The following ADH1C variants were observed in gnomAD, a reference collection of about 807,000 sequenced individuals.
ADH1C encodes the protein alcohol dehydrogenase 1C (class I), gamma polypeptide.
ADH1C carries 26 observed loss-of-function variants against 35.0 expected under a neutral mutation model. That is an observed-to-expected ratio of 0.74 (90% CI 0.54 to 1.03). The LOEUF is 1.03. ADH1C is among the 50% of genes least tolerant of loss of function. ADH1C has a pLI of 0.00. For synonymous variants in ADH1C, 170 were observed against 169.3 expected, an observed-to-expected ratio of 1.00 and a Z score of -0.03; for missense variants, 413 against 465.4, an observed-to-expected ratio of 0.89 and a Z score of 1.04.
chr4:99,339,063 CAAAGA>C (rs569770466), intron 8 of ADH1C, among the ~76,000 whole-genome samples: 64 of 151,360 alleles, frequency 4.2e-4, no homozygotes, highest in African/African-American at 1.3e-3. Flanking sequence ...TTCTAAACTG[CAAAGA>C]AAAGAAAAGA....
At chr4:99,346,282 A>T (rs900761207) in intron 3 of ADH1C, among the ~76,000 whole-genome samples, 1 of 152,094 alleles carries the variant, frequency 6.6e-6, no homozygotes, top group Non-Finnish European at 1.5e-5. Flanking sequence ...ATTCATCCTT[A>T]ATTAATATAG....
chr4:99,342,862 A>G lies in ADH1C; in HGVS notation c.761T>C (p.Val254Ala). 1 of 1,613,986 alleles carries G rather than the reference A, an allele frequency of 6.2e-7. No homozygotes were observed. Among genetic ancestry groups the G allele is most frequent in the Non-Finnish European group, 8.5e-7 (1 of 1,179,902 alleles). ...ACCTCCATCAGTCATTTCCTTTAGC[A>G]CTTCCTGAATGGGTTTCTTGTAGTC... is the stretch of plus-strand genomic sequence containing the variant. ...PQDYKKPIQE[V>A]LKEMTDGGVD... is the part of the protein sequence containing the mutation. The change falls in exon 6 of 9, where the codon GTG (valine) becomes GCG (alanine). Residue 254 changes from valine to alanine, a missense_variant. Physicochemically the swap from Val to Ala is moderately conservative, Grantham distance 64. Coordinates refer to ENST00000515683, the MANE Select transcript of ADH1C (RefSeq NM_000669.5).
chr4:99,347,206 C>G, intron 2 of ADH1C, 62 bp from the exon 3 acceptor site: 2 of 1,549,332 alleles, frequency 1.3e-6, no homozygotes, highest in South Asian at 1.2e-5. Context: ...ATGGACTTAA[C>G]AAACCCAATT....
At chr4:99,342,101 G>A (rs1288661521) in intron 6 of ADH1C, among the ~76,000 whole-genome samples, 1 of 152,140 alleles carries the variant, frequency 6.6e-6, no homozygotes, top group Non-Finnish European at 1.5e-5. Flanking sequence ...GATGAGTTGT[G>A]TTGCACAAAG....
intron 6 of ADH1C, among the ~76,000 whole-genome samples, chr4:99,342,010 C>CAAAAA (rs33982136): frequency 7.2e-6 from 1 of 138,628 alleles, no homozygotes; most frequent in African/African-American, 2.8e-5. Context: ...GACCCTGTCT[C>CAAAAA]AAAAAAAAAA....
chr4:99,339,586 G>A lies in ADH1C; in HGVS notation c.1094C>T (p.Ser365Phe), dbSNP rs370732634. The A allele has an allele frequency of 3.8e-6, 6 of 1,583,508 alleles. No individual in the cohort carries two copies. The African/African-American group carries it at 6.9e-5, about 18-fold the overall frequency. ...ACAACTTAAAATCTACCTCTTTCCA[G>A]AGCGAAGCAGGTCAAATCCTTCATT... is the stretch of plus-strand genomic sequence containing the variant. ...KINEGFDLLR[S>F]GKSIRTVLTF is the part of the protein sequence containing the mutation. Residue 365 changes from serine (S) to phenylalanine (F), a missense_variant, in exon 8 of 9, where the codon TCT becomes TTT. Ser to Phe is a radical substitution (Grantham distance 155). Transcript: ENST00000515683.
At chr4:99,347,698 GAA>G in intron 2 of ADH1C, 45 bp downstream of exon 2, 1 of 1,512,952 alleles carries the variant, frequency 6.6e-7, no homozygotes, top group Non-Finnish European at 8.9e-7. Flanking sequence ...AATATTTTCT[GAA>G]TTCTTTAAAC....
At chr4:99,348,442 C>T (rs1734595648) in intron 1 of ADH1C, among the ~76,000 whole-genome samples, 1 of 151,816 alleles carries the variant, frequency 6.6e-6, no homozygotes, top group Admixed American at 6.6e-5. Context: ...CATGTCCCTA[C>T]AAAGGACATG....
At chr4:99,345,341 G>A in intron 3 of ADH1C, 75 bp from the exon 4 acceptor site, 5 of 1,368,098 alleles carry the variant, frequency 3.7e-6, no homozygotes, top group Non-Finnish European at 4.1e-6. Flanking sequence ...ACGCTCACAT[G>A]TATAGATTAG....
At chr4:99,346,930 C>A in intron 3 of ADH1C, 76 bp downstream of exon 3, 2 of 1,556,710 alleles carry the variant, frequency 1.3e-6, no homozygotes, top group Non-Finnish European at 1.7e-6. Context: ...TCTTTCATTG[C>A]CTCGGTTTCC....
chr4:99,352,591 T>G, intron 1 of ADH1C, 67 bp downstream of exon 1: 1 of 1,354,564 alleles, frequency 7.4e-7, no homozygotes, highest in Non-Finnish European at 1.0e-6. Flanking sequence ...TCATTATTAA[T>G]ACTGTATTCC....
intron 1 of ADH1C, among the ~76,000 whole-genome samples, chr4:99,349,241 T>C (rs1194610256): frequency 5.4e-5 from 8 of 147,864 alleles, no homozygotes. Flanking sequence ...GGTTTTCTTC[T>C]AGGGTTTTTA....
intron 6 of ADH1C, 41 bp from the exon 7 acceptor site, chr4:99,340,751 G>A (rs1560536427): frequency 1.2e-6 from 2 of 1,611,098 alleles, no homozygotes; most frequent in Non-Finnish European, 1.7e-6. Flanking sequence ...ACGTGGAGTG[G>A]CATAGTTCAT....
intron 5 of ADH1C, among the ~76,000 whole-genome samples, chr4:99,343,447 A>G (rs1459035150): frequency 6.6e-6 from 1 of 152,190 alleles, no homozygotes; most frequent in African/African-American, 2.4e-5. Context: ...GGGACTCTCA[A>G]TTGCTGAAAT....
rs1170791379 is a variant in ADH1C at position 99,345,206 on chromosome 4, G to T, written c.320C>A (p.Pro107Gln). The T allele has an allele frequency of 1.2e-6, 2 of 1,613,980 alleles. No homozygotes were observed. The highest frequency in any genetic ancestry group is 1.7e-6 in the Non-Finnish European group (2 of 1,179,908). ...QCGKCRICKN[P>Q]ESNYCLKNDL... is the part of the protein sequence containing the mutation. ...ATTTTTCAAGCAGTAGTTGCTTTCTGGGTTTTTACAAATTCTGCATTTTCC... is the reference window on the plus strand; with the variant it reads ...ATTTTTCAAGCAGTAGTTGCTTTCTTGGTTTTTACAAATTCTGCATTTTCC... The change falls in exon 4 of 9, where the codon CCA (proline) becomes CAA (glutamine). Residue 107 changes from proline to glutamine, a missense_variant. By Grantham distance (76) the Pro-to-Gln change is moderately conservative. Transcript: ENST00000515683.
At chr4:99,342,215 C>A (rs1278453300) in intron 6 of ADH1C, among the ~76,000 whole-genome samples, 2 of 152,126 alleles carry the variant, frequency 1.3e-5, no homozygotes, top group Non-Finnish European at 2.9e-5. Context: ...TTAAAGCATT[C>A]AGTCCAAGTA....
chr4:99,347,159 G>C lies in ADH1C; in HGVS notation c.121-15C>G. 1 of 1,607,606 alleles carries C rather than the reference G, an allele frequency of 6.2e-7. No individual in the cohort carries two copies. Reference sequence around the variant, plus strand: ...GCAGCCACCATCTACAGAATAAAGAGAAGATGTTTAGATTCAGAAAAGATT... The same window carrying C: ...GCAGCCACCATCTACAGAATAAAGACAAGATGTTTAGATTCAGAAAAGATT... On this transcript the variant is annotated splice_polypyrimidine_tract_variant and intron_variant, in intron 2 of 8. Transcript: ENST00000515683.
Position 99,347,007 on chromosome 4 carries a change from T to A in ADH1C, c.258A>T (p.Pro86=). Residue 86 remains proline, a splice_region_variant and synonymous_variant, in exon 3 of 9, where the codon CCA becomes CCT. Transcript: ENST00000515683. The part of the protein sequence containing the change: ...SVGEGVTTVK[P]GDKVIPLFTP... ...GTTCCCTGAGTGTGAATCCTGTACCTGGTTTGACTGTAGTCACCCCTTCTC... is the reference window on the plus strand; with the variant it reads ...GTTCCCTGAGTGTGAATCCTGTACCAGGTTTGACTGTAGTCACCCCTTCTC... 6.2e-7 allele frequency: 1 copy of A among 1,613,716 alleles called. No homozygotes were observed. Among genetic ancestry groups the A allele is most frequent in the Non-Finnish European group, 8.5e-7 (1 of 1,179,840 alleles).
intron 2 of ADH1C, 70 bp from the exon 3 acceptor site, chr4:99,347,214 A>G (rs1734557059): frequency 4.6e-6 from 7 of 1,525,642 alleles, no homozygotes; most frequent in African/African-American, 1.4e-5. Flanking sequence ...AACAAACCCA[A>G]TTTTCTAAAA....
Sources: allele counts gnomAD v4.1 joint callset (sites outside exome capture counted in the v4.1 genomes callset), GRCh38; gene constraint gnomAD v4.1.1; transcripts MANE v1.5; gene names NCBI Gene and HGNC (gene_info 2026-07-23, HGNC 2026-07-21).